SOS2: variants seen among roughly 807,000 people sequenced by gnomAD.
SOS2 encodes the protein son of sevenless homolog 2.
Under a neutral mutation model 148.2 loss-of-function variants are expected in SOS2, and 65 were observed. The ratio of observed to expected loss-of-function variants is 0.44; its 90% confidence interval spans 0.36 to 0.54. The LOEUF (loss-of-function observed/expected upper bound fraction) is 0.54. Ranked by LOEUF, SOS2 falls within the 20% of genes least tolerant of loss-of-function variation. The pLI is 0.00. For synonymous variants in SOS2, 539 were observed against 537.1 expected (o/e 1.00, Z -0.05); for missense variants, 1,341 against 1,590.2 (o/e 0.84, Z 2.67).
At chr14:50,224,720 CA>C (rs11299705) in intron 1 of SOS2, among the ~76,000 whole-genome samples, 136,731 of 151,372 alleles carry the variant, frequency 0.9, 61,931 homozygotes, top group African/African-American at 0.96. Flanking sequence ...CTTGTCTCCA[CA>C]AAAAAAATAA....
chr14:50,231,866 T>C (rs1404061813), upstream of SOS2, among the ~76,000 whole-genome samples: 2 of 152,114 alleles, frequency 1.3e-5, no homozygotes, highest in Non-Finnish European at 1.5e-5. Flanking sequence ...GCTGCCCCTT[T>C]AGCAGCAGCG....
At chr14:50,224,183 C>T (rs1208856770) in intron 1 of SOS2, among the ~76,000 whole-genome samples, 3 of 150,896 alleles carry the variant, frequency 2.0e-5, no homozygotes, top group Non-Finnish European at 4.4e-5. Context: ...CCCAGCTACT[C>T]GGGAGGCTGA....
rs559933630 is a variant in SOS2 at position 50,202,303 on chromosome 14, T to A, written c.214-1219A>T. Reference sequence around the variant, plus strand: ...TAATTTAATCAGTGATTCATTGGCATGAAAAACAAGAACTACTGAGATCTG... The same window carrying A: ...TAATTTAATCAGTGATTCATTGGCAAGAAAAACAAGAACTACTGAGATCTG... On this transcript the variant is annotated intron_variant, in intron 2 of 22. Transcript: ENST00000216373. Among the ~76,000 whole-genome samples, 3 of 152,332 alleles carry A rather than the reference T, an allele frequency of 2.0e-5. 1 individual carries two copies. In the South Asian group the frequency reaches 6.2e-4, roughly 32 times the overall value.
chr14:50,174,092 A>G (rs955207393), intron 8 of SOS2, among the ~76,000 whole-genome samples: 2 of 152,174 alleles, frequency 1.3e-5, no homozygotes, highest in Non-Finnish European at 2.9e-5. Context: ...TTTTGCCACC[A>G]ATTAATCACT....
chr14:50,132,650 G>C (rs901752719), intron 19 of SOS2, among the ~76,000 whole-genome samples: 2 of 152,054 alleles, frequency 1.3e-5, no homozygotes, highest in African/African-American at 4.8e-5. Context: ...GACAGAGCGA[G>C]ACTCTGTCTC....
Position 50,140,118 on chromosome 14 carries a change from G to A in SOS2, c.2668-59C>T, listed in dbSNP as rs1428393824. On this transcript the variant is annotated intron_variant, in intron 16 of 22. Transcript: ENST00000216373. Reference sequence around the variant, plus strand: ...TACAATTCAATCATATTTTATAAATGCAAACCTTTAAATTTTATAAAATTT... The same window carrying A: ...TACAATTCAATCATATTTTATAAATACAAACCTTTAAATTTTATAAAATTT... 6 of 855,870 alleles carry A rather than the reference G, an allele frequency of 7.0e-6. No homozygotes were observed. The Admixed American group carries it at 7.1e-5, about 10-fold the overall frequency. The allele number at this position is 855,870 out of a possible 1,614,324, so 53.0% of individuals were successfully genotyped here.
intron 13 of SOS2, among the ~76,000 whole-genome samples, chr14:50,152,587 T>G (rs1884695063): frequency 6.6e-6 from 1 of 152,206 alleles, no homozygotes; most frequent in African/African-American, 2.4e-5. Flanking sequence ...AGACCTCAGA[T>G]GATTGGTCTA....
In SOS2 at chr14:50,182,288, T is replaced by TCAAGCAGTCC. The variant is rs111808923; in HGVS notation, c.858+174_858+175insGGACTGCTTG. 0.26 allele frequency among the ~76,000 whole-genome samples: 40,151 copies of TCAAGCAGTCC among 151,860 alleles called. 5,958 individuals carry two copies. Among genetic ancestry groups the TCAAGCAGTCC allele is most frequent in the East Asian group, 0.44 (2,256 of 5,148 alleles). ...CAATCATGGGCTTGATCTCCCAGGC[T>TCAAGCAGTCC]TCCTACCTCAGCCTCCTGAGTCACT... is the stretch of plus-strand genomic sequence containing the variant. On this transcript the variant is annotated intron_variant, in intron 6 of 22. Coordinates refer to ENST00000216373, the MANE Select transcript of SOS2 (RefSeq NM_006939.4).
At chr14:50,194,869 C>A (rs558463008) in intron 4 of SOS2, among the ~76,000 whole-genome samples, 1 of 151,784 alleles carries the variant, frequency 6.6e-6, no homozygotes, top group East Asian at 2.0e-4. Flanking sequence ...CGGCTCACTG[C>A]AACCTCCGCC....
chr14:50,161,459 C>A, intron 9 of SOS2, 23 bp downstream of exon 9: 1 of 1,601,134 alleles, frequency 6.2e-7, no homozygotes, highest in Non-Finnish European at 8.5e-7. Context: ...GAGGCATTCA[C>A]GTTTTCAACA....
chr14:50,178,711 T>TACAC (rs1555371318), intron 7 of SOS2, among the ~76,000 whole-genome samples: 3 of 120,440 alleles, frequency 2.5e-5, no homozygotes, highest in Non-Finnish European at 4.9e-5. Flanking sequence ...TATATATATA[T>TACAC]ACACACATAT....
intron 19 of SOS2, among the ~76,000 whole-genome samples, chr14:50,132,569 T>G (rs930371649): frequency 1.3e-5 from 2 of 151,698 alleles, no homozygotes; most frequent in Non-Finnish European, 2.9e-5. Context: ...GCTGAGGCAG[T>G]AGAATTGCTT....
At chr14:50,143,224 C>G (rs1290209302) in intron 16 of SOS2, among the ~76,000 whole-genome samples, 1 of 151,004 alleles carries the variant, frequency 6.6e-6, no homozygotes, top group Non-Finnish European at 1.5e-5. Context: ...ACTCAAGAGG[C>G]TGGGACAGGA....
chr14:50,128,055 T>C (rs772407139), intron 21 of SOS2, among the ~76,000 whole-genome samples: 1 of 152,212 alleles, frequency 6.6e-6, no homozygotes, highest in East Asian at 1.9e-4. Context: ...TTAAGTCATA[T>C]GTATTATCTT....
chr14:50,231,838 A>G (rs1234439064), upstream of SOS2, among the ~76,000 whole-genome samples: 3 of 152,280 alleles, frequency 2.0e-5, no homozygotes, highest in Non-Finnish European at 4.4e-5. Context: ...TATGGCGCGC[A>G]CAGCGCTGGC....
chr14:50,207,649 A>G (rs1442443896), intron 1 of SOS2, among the ~76,000 whole-genome samples: 2 of 151,962 alleles, frequency 1.3e-5, no homozygotes, highest in Non-Finnish European at 2.9e-5. Flanking sequence ...GGTGGCTCGT[A>G]ATCCCAGCAC....
rs1238884738 is a variant in SOS2 at position 50,118,616 on chromosome 14, G to A, written c.3727C>T (p.His1243Tyr). 1 of 1,614,138 alleles carries A rather than the reference G, an allele frequency of 6.2e-7. No homozygotes were observed. Among genetic ancestry groups the A allele is most frequent in the Non-Finnish European group, 8.5e-7 (1 of 1,180,032 alleles). The change falls in exon 23 of 23, where the codon CAC becomes TAC. Residue 1243 changes from histidine (H) to tyrosine (Y), a missense_variant. By Grantham distance (83) the His-to-Tyr change is moderately conservative. Around this residue, in one of 4 missense-constraint regions of SOS2, gnomAD observed 354 missense variants for 347.7 expected, o/e 1.02. Transcript: ENST00000216373. Reference sequence around the variant, plus strand: ...TCTCTGAGCCAGTCTGAATCTCTGTGAAGATGCCCCAGTGGAGGTGGCTGA... The same window carrying A: ...TCTCTGAGCCAGTCTGAATCTCTGTAAAGATGCCCCAGTGGAGGTGGCTGA... Reference protein sequence around the residue: ...NLQPPPLGHLHRDSDWLRDIS... With the variant: ...NLQPPPLGHLYRDSDWLRDIS...
intron 12 of SOS2, 145 bp from the exon 13 acceptor site, chr14:50,153,318 T>G: frequency 2.1e-6 from 1 of 469,062 alleles, no homozygotes; most frequent in Non-Finnish European, 3.9e-6. Context: ...ATTAATACTT[T>G]AAATGCTTCA....
At chr14:50,229,151 C>T (rs1235623517) in intron 1 of SOS2, among the ~76,000 whole-genome samples, 2 of 152,152 alleles carry the variant, frequency 1.3e-5, no homozygotes, top group Non-Finnish European at 2.9e-5. Context: ...CAGCTCTTAG[C>T]AGGCACTACA....
Sources: gnomAD v4.1 joint callset for allele counts (sites outside exome capture counted in the v4.1 genomes callset) on GRCh38, gnomAD v4.1.1 for gene constraint, gnomAD v4.1.1 regional missense constraint, MANE v1.5 for transcripts, NCBI Gene and HGNC (gene_info 2026-07-23, HGNC 2026-07-21) for gene names.